Variants in RBM33 observed in about 807,000 individuals in gnomAD.
The protein encoded by RBM33 is RNA binding motif protein 33.
In RBM33, 28 loss-of-function variants were observed where a neutral mutation model predicts 132.6. That is an observed-to-expected ratio of 0.21 (90% CI 0.16 to 0.29). The LOEUF (loss-of-function observed/expected upper bound fraction) is 0.29, where lower values mean the gene tolerates loss of function less well. RBM33 is among the 10% of genes least tolerant of loss of function. RBM33 has a pLI of 1.00. For missense variants in RBM33, 1,291 were observed against 1,518.5 expected (o/e 0.85, Z 2.49); for synonymous variants, 634 against 593.0 (o/e 1.07, Z -1.01).
At chr7:155,769,133 C>G (rs1802321356) in intron 16 of RBM33, among the ~76,000 whole-genome samples, 2 of 152,152 alleles carry the variant, frequency 1.3e-5, no homozygotes, top group Non-Finnish European at 2.9e-5. Flanking sequence ...AGAAGATGGT[C>G]TTCCAAAAAG....
rs1798728333 is a variant in RBM33 at position 155,664,030 on chromosome 7, C to T, written c.44-1145C>T. 3.3e-5 allele frequency among the ~76,000 whole-genome samples: 5 copies of T among 152,102 alleles called. No individual in the cohort carries two copies. In the South Asian group the frequency reaches 8.3e-4, roughly 25 times the overall value. ...TCATTTTTACAGAAAAAGAAACAGG[C>T]CTCTAAAGGGCTCTGCTCTTAATTG... is the stretch of plus-strand genomic sequence containing the variant. On this transcript the variant is annotated intron_variant, in intron 1 of 17. Transcript: ENST00000401878.
At chr7:155,762,684 C>T (rs918985449) in intron 14 of RBM33, among the ~76,000 whole-genome samples, 4 of 152,132 alleles carry the variant, frequency 2.6e-5, no homozygotes, top group Admixed American at 1.3e-4. Flanking sequence ...CACAAGATAA[C>T]GTTTGGTAGG....
chr7:155,644,708 G>C lies in RBM33; in HGVS notation c.-169G>C. The C allele has an allele frequency of 8.2e-6, 4 of 489,608 alleles. No homozygotes were observed. The East Asian group carries it at 1.1e-4, about 13-fold the overall frequency. The allele number at this position is 489,608 out of a possible 1,614,324, so 30.3% of individuals were successfully genotyped here. A position where few individuals can be genotyped will look rare whatever the true frequency, so the allele number is the denominator to read the frequency against. ...TGCGGTAGTTTGTTGTTTTCTTCCTGCGGAGGCGAAGGGCCAGCTGTGGAC... is the reference window on the plus strand; with the variant it reads ...TGCGGTAGTTTGTTGTTTTCTTCCTCCGGAGGCGAAGGGCCAGCTGTGGAC... On this transcript the variant is annotated 5_prime_UTR_variant, in exon 1 of 18. Transcript: ENST00000401878.
At chr7:155,680,569 T>TG in intron 4 of RBM33, 21 bp from the exon 5 acceptor site, 1 of 1,504,306 alleles carries the variant, frequency 6.6e-7, no homozygotes. Flanking sequence ...TGCTTTTTTT[T>TG]TTTATTTTCG....
chr7:155,724,987 G>C (rs1025954856), intron 9 of RBM33, among the ~76,000 whole-genome samples: 7 of 107,270 alleles, frequency 6.5e-5, no homozygotes, highest in African/African-American at 2.8e-4. Context: ...TTTGTGTACA[G>C]GTTTGTGTGT....
Position 155,779,882 on chromosome 7 carries a change from A to C in RBM33, c.*4841A>C, listed in dbSNP as rs1462763907. On this transcript the variant is annotated 3_prime_UTR_variant, in exon 18 of 18. Coordinates refer to ENST00000401878, the MANE Select transcript of RBM33 (RefSeq NM_053043.3). ...TTTTCCTTTGACTTCTAACCAACTA[A>C]AAGAGAAGGAGGTCTTCATGTTGAT... 6.6e-6 allele frequency: 1 copy of C among 152,212 alleles called. No homozygotes were observed. The highest frequency in any genetic ancestry group is 1.9e-4 in the East Asian group (1 of 5,198). The allele number at this position is 152,212 out of a possible 1,614,324, so 9.4% of individuals were successfully genotyped here.
intron 8 of RBM33, 32 bp from the exon 9 acceptor site, chr7:155,718,353 T>C (rs2116990430): frequency 6.3e-7 from 1 of 1,595,926 alleles, no homozygotes; most frequent in East Asian, 2.2e-5. Context: ...TTGAGTAAAG[T>C]GTGTCTCTAA....
At chr7:155,741,666 G>GA (rs1203191077) in intron 12 of RBM33, among the ~76,000 whole-genome samples, 153 bp from the exon 13 acceptor site, 1 of 152,042 alleles carries the variant, frequency 6.6e-6, no homozygotes, top group African/African-American at 2.4e-5. Flanking sequence ...TTATGTATGA[G>GA]AAAAAAAGTA....
At chr7:155,692,663 C>T (rs984983121) in intron 5 of RBM33, among the ~76,000 whole-genome samples, 3 of 152,180 alleles carry the variant, frequency 2.0e-5, no homozygotes, top group Non-Finnish European at 2.9e-5. Context: ...TTATTTCTGA[C>T]GAAGAGTCTT....
intron 8 of RBM33, among the ~76,000 whole-genome samples, chr7:155,715,875 G>A (rs1800445875): frequency 6.6e-6 from 1 of 152,200 alleles, no homozygotes; most frequent in Admixed American, 6.5e-5. Context: ...TTACACAGAT[G>A]AAAGGTGCTT....
chr7:155,672,952 T>C, intron 3 of RBM33, 37 bp downstream of exon 3: 2 of 1,393,232 alleles, frequency 1.4e-6, no homozygotes, highest in Non-Finnish European at 2.0e-6. Context: ...GAAATACTAG[T>C]CATTTAATTA....
intron 6 of RBM33, among the ~76,000 whole-genome samples, chr7:155,705,534 G>A (rs556941815): frequency 6.6e-6 from 1 of 152,314 alleles, no homozygotes; most frequent in South Asian, 2.1e-4. Flanking sequence ...GATTTTGGAG[G>A]AGTTTGGAGA....
intron 14 of RBM33, among the ~76,000 whole-genome samples, chr7:155,747,660 A>T (rs1046964152): frequency 6.6e-6 from 1 of 152,264 alleles, no homozygotes; most frequent in African/African-American, 2.4e-5. Flanking sequence ...GGAATTTTTC[A>T]TGAAAATAGC....
At position 155,728,215 on chromosome 7, in the gene RBM33, G is replaced by A. The variant is rs768652794; in HGVS notation, c.1261-9315G>A. Among the ~76,000 whole-genome samples, 8 of 152,250 alleles carry A rather than the reference G, an allele frequency of 5.3e-5. No homozygotes were observed. The South Asian group carries it at 6.2e-4, about 12-fold the overall frequency. On this transcript the variant is annotated intron_variant, in intron 9 of 17. Transcript: ENST00000401878. Reference sequence around the variant, plus strand: ...CATTTGTCATTTTGGAAAATGCGCCGTCATGACTTCTTCCTGATTGGACTG... The same window carrying A: ...CATTTGTCATTTTGGAAAATGCGCCATCATGACTTCTTCCTGATTGGACTG...
At chr7:155,772,676 T>C (rs1802470297) in intron 16 of RBM33, among the ~76,000 whole-genome samples, 4 of 152,236 alleles carry the variant, frequency 2.6e-5, no homozygotes. Context: ...AAGTCTGATA[T>C]TTTACTGAAC....
At chr7:155,708,659 C>T (rs1323862678) in intron 7 of RBM33, among the ~76,000 whole-genome samples, 1 of 152,182 alleles carries the variant, frequency 6.6e-6, no homozygotes, top group African/African-American at 2.4e-5. Flanking sequence ...CTGATTTGGA[C>T]TGTTAGAGCC....
At chr7:155,762,037 G>A (rs897341442) in intron 14 of RBM33, among the ~76,000 whole-genome samples, 9 of 152,146 alleles carry the variant, frequency 5.9e-5, no homozygotes, top group African/African-American at 1.4e-4. Flanking sequence ...CGACTGCTGC[G>A]TAGCTTAGTG....
At chr7:155,672,038 A>G (rs1248841295) in intron 2 of RBM33, among the ~76,000 whole-genome samples, 1 of 152,208 alleles carries the variant, frequency 6.6e-6, no homozygotes, top group Non-Finnish European at 1.5e-5. Flanking sequence ...CATCCATGTT[A>G]TACAAAGCTA....
chr7:155,709,751 T>A (rs1406176525), intron 7 of RBM33, among the ~76,000 whole-genome samples: 1 of 152,218 alleles, frequency 6.6e-6, no homozygotes, highest in Non-Finnish European at 1.5e-5. Flanking sequence ...CCTACTCTCA[T>A]GGGCAAATGT....
Sources: allele counts gnomAD v4.1 joint callset (sites outside exome capture counted in the v4.1 genomes callset), GRCh38; gene constraint gnomAD v4.1.1; transcripts MANE v1.5; gene names NCBI Gene and HGNC (gene_info 2026-07-23, HGNC 2026-07-21).